The following NPAS3 variants were observed in gnomAD, a reference collection of about 807,000 sequenced individuals.
NPAS3 encodes neuronal PAS domain protein 3.
A neutral mutation model predicts 73.1 loss-of-function variants in NPAS3; 14 were observed. The ratio of observed to expected loss-of-function variants is 0.19; its 90% CI spans 0.13 to 0.30. NPAS3 has a LOEUF of 0.30. NPAS3 is among the 10% of genes least tolerant of loss of function. The pLI is 1.00. For missense variants in NPAS3, 1,096 were observed against 1,250.0 expected (o/e 0.88, Z 1.86); for synonymous variants, 620 against 541.5 (o/e 1.14, Z -2.01).
chr14:32,938,486 T>TGAGA (rs369330767), upstream of NPAS3, among the ~76,000 whole-genome samples: 562 of 55,884 alleles, frequency 0.01, 25 homozygotes, highest in East Asian at 0.1. Context: ...AGAGAGAAAT[T>TGAGA]GAGAGAGAGA....
chr14:33,247,023 A>G (rs2048415872), intron 3 of NPAS3, among the ~76,000 whole-genome samples: 1 of 151,998 alleles, frequency 6.6e-6, no homozygotes, highest in Non-Finnish European at 1.5e-5. Flanking sequence ...CAACAAACAA[A>G]CAAACAAACA....
intron 7 of NPAS3, among the ~76,000 whole-genome samples, chr14:33,768,549 T>C (rs2062538893): frequency 6.6e-6 from 1 of 152,168 alleles, no homozygotes; most frequent in Non-Finnish European, 1.5e-5. Flanking sequence ...TATGGGGCTG[T>C]AAAGGAGGAG....
chr14:33,186,336 T>C (rs1299585300), intron 2 of NPAS3, among the ~76,000 whole-genome samples: 1 of 152,216 alleles, frequency 6.6e-6, no homozygotes, highest in Non-Finnish European at 1.5e-5. Flanking sequence ...AGGGCTGTAA[T>C]GATTTTATTG....
At chr14:33,677,618 GA>G (rs10584098) in intron 6 of NPAS3, among the ~76,000 whole-genome samples, 54,012 of 149,806 alleles carry the variant, frequency 0.36, 10,067 homozygotes, top group Middle Eastern at 0.54. Flanking sequence ...CACACAGAAG[GA>G]AAAAAAAAAA....
chr14:33,343,159 G>T (rs2044565370), intron 3 of NPAS3, among the ~76,000 whole-genome samples: 1 of 152,110 alleles, frequency 6.6e-6, no homozygotes. Flanking sequence ...CTCAGTAATT[G>T]AATCCACACA....
At chr14:33,777,506 G>A (rs1037971781) in intron 8 of NPAS3, among the ~76,000 whole-genome samples, 4 of 151,456 alleles carry the variant, frequency 2.6e-5, no homozygotes, top group Admixed American at 2.6e-4. Context: ...TTTCTTAAAT[G>A]TGTCATTTCT....
chr14:33,613,305 G>A (rs955489408), intron 5 of NPAS3, among the ~76,000 whole-genome samples: 2 of 152,132 alleles, frequency 1.3e-5, no homozygotes, highest in Non-Finnish European at 2.9e-5. Context: ...ATCCTTTGAG[G>A]ACTTGTGACC....
chr14:33,047,514 G>A (rs961434416), intron 1 of NPAS3, among the ~76,000 whole-genome samples: 1 of 152,108 alleles, frequency 6.6e-6, no homozygotes, highest in Non-Finnish European at 1.5e-5. Context: ...ATGAGCCTTG[G>A]ACACATGTTC....
intron 4 of NPAS3, among the ~76,000 whole-genome samples, chr14:33,498,093 G>A (rs2052303040): frequency 6.6e-6 from 1 of 152,144 alleles, no homozygotes; most frequent in African/African-American, 2.4e-5. Context: ...ATGAAAAAAA[G>A]CTCATCATCA....
chr14:33,707,473 T>C (rs2060688972), intron 6 of NPAS3, among the ~76,000 whole-genome samples: 2 of 152,086 alleles, frequency 1.3e-5, no homozygotes, highest in South Asian at 2.1e-4. Flanking sequence ...TTAAAATCCA[T>C]AGAATCAGCA....
intron 1 of NPAS3, among the ~76,000 whole-genome samples, chr14:33,018,900 G>C (rs2039489850): frequency 6.6e-6 from 1 of 151,904 alleles, no homozygotes; most frequent in Middle Eastern, 3.4e-3. Flanking sequence ...AAGGTAACTT[G>C]TAGAGAGATC....
At chr14:33,557,956 A>G (rs146085779) in intron 4 of NPAS3, among the ~76,000 whole-genome samples, 3,458 of 152,290 alleles carry the variant, frequency 0.023, 47 homozygotes, top group Middle Eastern at 0.048. Context: ...GTGACAGAGC[A>G]AGACTCCGTC....
chr14:33,057,382 G>A (rs1238398730), intron 2 of NPAS3, among the ~76,000 whole-genome samples: 1 of 152,074 alleles, frequency 6.6e-6, no homozygotes, highest in Admixed American at 6.6e-5. Context: ...TAATTTGTTA[G>A]TGATTTGTGG....
chr14:33,599,485 C>T (rs970519998), intron 5 of NPAS3, among the ~76,000 whole-genome samples: 1 of 152,182 alleles, frequency 6.6e-6, no homozygotes, highest in Admixed American at 6.5e-5. Flanking sequence ...GTCCCCTGTG[C>T]ACCATAATAA....
intron 1 of NPAS3, among the ~76,000 whole-genome samples, chr14:32,988,915 C>G (rs764772277): frequency 6.6e-6 from 1 of 152,134 alleles, no homozygotes; most frequent in Non-Finnish European, 1.5e-5. Flanking sequence ...TCACTCAGTG[C>G]GTATTTATTG....
intron 7 of NPAS3, among the ~76,000 whole-genome samples, chr14:33,745,806 T>C (rs1035225862): frequency 7.2e-5 from 11 of 152,240 alleles, no homozygotes; most frequent in African/African-American, 2.7e-4. Context: ...GTCCTGAATA[T>C]TGATTTGATT....
intron 1 of NPAS3, among the ~76,000 whole-genome samples, chr14:32,959,347 G>A (rs781010275): frequency 3.3e-5 from 5 of 152,164 alleles, no homozygotes; most frequent in Non-Finnish European, 7.3e-5. Flanking sequence ...TTGTGAGGGT[G>A]TGTGTGTGCA....
At chr14:33,269,999 C>G (rs1157087216) in intron 3 of NPAS3, among the ~76,000 whole-genome samples, 1 of 151,982 alleles carries the variant, frequency 6.6e-6, no homozygotes, top group Non-Finnish European at 1.5e-5. Flanking sequence ...GGAGTGCTCT[C>G]AAGTGAAACC....
chr14:33,727,014 G>A (rs2061285868), intron 6 of NPAS3, among the ~76,000 whole-genome samples: 3 of 152,128 alleles, frequency 2.0e-5, no homozygotes, highest in Admixed American at 2.0e-4. Flanking sequence ...TAGTAATAGA[G>A]CTTTAAAGCA....
Sources: gnomAD v4.1 joint callset for allele counts (sites outside exome capture counted in the v4.1 genomes callset) on GRCh38, gnomAD v4.1.1 for gene constraint, MANE v1.5 for transcripts, NCBI Gene and HGNC (gene_info 2026-07-23, HGNC 2026-07-21) for gene names.